OSBPL1A: variants seen among roughly 807,000 people sequenced by gnomAD.
OSBPL1A encodes the protein oxysterol-binding protein-related protein 1.
A neutral mutation model predicts 137.1 loss-of-function variants in OSBPL1A; 80 were observed. The ratio of observed to expected loss-of-function variants is 0.58; its 90% CI spans 0.49 to 0.70. OSBPL1A has a LOEUF of 0.70. OSBPL1A is among the 30% of genes least tolerant of loss of function. The pLI is 0.00. For missense variants in OSBPL1A, 970 were observed against 1,129.4 expected, an observed-to-expected ratio of 0.86 and a Z score of 2.02; for synonymous variants, 365 against 389.7, an observed-to-expected ratio of 0.94 and a Z score of 0.75.
chr18:24,220,415 T>C (rs1311619114), intron 17 of OSBPL1A, among the ~76,000 whole-genome samples: 6 of 152,200 alleles, frequency 3.9e-5, no homozygotes, highest in Non-Finnish European at 5.9e-5. Flanking sequence ...TACTCATTCT[T>C]TTTATTGCAA....
At chr18:24,204,647 A>G (rs1157372103) in intron 17 of OSBPL1A, among the ~76,000 whole-genome samples, 1 of 151,566 alleles carries the variant, frequency 6.6e-6, no homozygotes, top group Admixed American at 6.6e-5. Context: ...CTACATAAAG[A>G]TAGCTAGGTC....
intron 4 of OSBPL1A, among the ~76,000 whole-genome samples, chr18:24,344,496 A>G (rs1373751615): frequency 6.6e-6 from 1 of 152,164 alleles, no homozygotes; most frequent in Non-Finnish European, 1.5e-5. Context: ...GTTAAACACG[A>G]TGGGTATGTT....
chr18:24,286,450 A>G lies in OSBPL1A; in HGVS notation c.1175-5502T>C, dbSNP rs114378722. Among the ~76,000 whole-genome samples the G allele has an allele frequency of 3.4e-3, 511 of 152,348 alleles. 1 individual carries two copies. The highest frequency in any genetic ancestry group is 0.012 in the African/African-American group (485 of 41,578). The stretch of plus-strand genomic sequence containing the variant: ...TTAATCTATATATCTACATCTATAT[A>G]ATTTATATTCATTGCACTGGAGGAT... On this transcript the variant is annotated intron_variant, in intron 14 of 27. Transcript: ENST00000319481.
chr18:24,372,826 G>C (rs2146200404), intron 2 of OSBPL1A, among the ~76,000 whole-genome samples: 1 of 152,244 alleles, frequency 6.6e-6, no homozygotes, highest in Admixed American at 6.5e-5. Context: ...CACCTTGGGA[G>C]GCCAAAGTGG....
At chr18:24,364,423 C>T (rs2091672643) in intron 4 of OSBPL1A, among the ~76,000 whole-genome samples, 2 of 152,100 alleles carry the variant, frequency 1.3e-5, no homozygotes, top group Admixed American at 6.6e-5. Context: ...AATACAGGCT[C>T]ACCACTAGGC....
Position 24,248,051 on chromosome 18 carries a change from A to T in OSBPL1A, c.1282-8669T>A, listed in dbSNP as rs549016357. Reference sequence around the variant, plus strand: ...GTCAAAAAGGGAGGAGATCTAATCCACTAGTATACAGCTGGCCTTTGCTAA... The same window carrying T: ...GTCAAAAAGGGAGGAGATCTAATCCTCTAGTATACAGCTGGCCTTTGCTAA... On this transcript the variant is annotated intron_variant, in intron 15 of 27. Transcript: ENST00000319481. Among the ~76,000 whole-genome samples, 4 of 152,340 alleles carry T rather than the reference A, an allele frequency of 2.6e-5. No individual in the cohort carries two copies. In the East Asian group the frequency reaches 7.7e-4, roughly 29 times the overall value.
chr18:24,309,062 T>C (rs991195238), intron 13 of OSBPL1A, among the ~76,000 whole-genome samples: 1 of 152,168 alleles, frequency 6.6e-6, no homozygotes. Flanking sequence ...TAAGCCACCG[T>C]GCCCAGCTGA....
chr18:24,333,313 T>C (rs936785146), intron 6 of OSBPL1A, among the ~76,000 whole-genome samples: 2 of 152,178 alleles, frequency 1.3e-5, no homozygotes, highest in Admixed American at 6.6e-5. Flanking sequence ...CACACTCCTC[T>C]GACAAGAGAC....
At chr18:24,173,004 C>A (rs1168845225) in intron 21 of OSBPL1A, among the ~76,000 whole-genome samples, 4 of 152,148 alleles carry the variant, frequency 2.6e-5, no homozygotes, top group Non-Finnish European at 4.4e-5. Context: ...AACCTAAATG[C>A]CCATCAATGA....
chr18:24,170,733 A>G (rs925774322), intron 23 of OSBPL1A: 2 of 329,826 alleles, frequency 6.1e-6, no homozygotes, highest in East Asian at 1.4e-4. Flanking sequence ...TGTAGCCTCA[A>G]CCTCCTGGGC....
intron 7 of OSBPL1A, 134 bp from the exon 8 acceptor site, chr18:24,318,943 A>G: frequency 1.3e-6 from 1 of 753,444 alleles, no homozygotes; most frequent in Non-Finnish European, 2.2e-6. Context: ...AAAATTACCT[A>G]CCAGAGAGAG....
chr18:24,236,493 A>ACGT (rs1199047531), intron 16 of OSBPL1A, among the ~76,000 whole-genome samples: 3 of 152,302 alleles, frequency 2.0e-5, no homozygotes, highest in African/African-American at 7.2e-5. Context: ...TCAGCACTTG[A>ACGT]CAGGGCATCT....
chr18:24,289,130 G>A (rs922233729), intron 14 of OSBPL1A, among the ~76,000 whole-genome samples: 56 of 151,996 alleles, frequency 3.7e-4, no homozygotes, highest in African/African-American at 1.3e-3. Flanking sequence ...AGAAGGAAAA[G>A]AACAACAGCA....
intron 4 of OSBPL1A, among the ~76,000 whole-genome samples, chr18:24,348,771 CAAAAAAGAA>C (rs1020358598): frequency 2.0e-4 from 30 of 150,666 alleles, no homozygotes; most frequent in African/African-American, 6.8e-4. Flanking sequence ...GAGACTGTCT[CAAAAAAGAA>C]AAAAAAGAAA....
chr18:24,185,330 T>C (rs1044108277), intron 18 of OSBPL1A, among the ~76,000 whole-genome samples: 2 of 120,946 alleles, frequency 1.7e-5, no homozygotes, highest in African/African-American at 9.6e-5. Context: ...TCTTTTTTCT[T>C]TTTTTTTTTT....
chr18:24,373,843 A>G (rs996238892), intron 2 of OSBPL1A, among the ~76,000 whole-genome samples: 4 of 152,196 alleles, frequency 2.6e-5, no homozygotes, highest in East Asian at 1.9e-4. Flanking sequence ...TAAGAACTGC[A>G]TATCATCTGA....
At chr18:24,331,472 C>G (rs2091076585) in intron 7 of OSBPL1A, among the ~76,000 whole-genome samples, 1 of 149,736 alleles carries the variant, frequency 6.7e-6, no homozygotes, top group Non-Finnish European at 1.5e-5. Context: ...TCTCGGCTCA[C>G]TGCAAGCTCC....
At chr18:24,238,407 G>C (rs1006674728) in intron 16 of OSBPL1A, among the ~76,000 whole-genome samples, 1 of 152,052 alleles carries the variant, frequency 6.6e-6, no homozygotes, top group East Asian at 1.9e-4. Flanking sequence ...CAAAAAATTT[G>C]AAAGTAAATT....
intron 2 of OSBPL1A, among the ~76,000 whole-genome samples, chr18:24,371,182 G>C (rs1166565072): frequency 6.6e-6 from 1 of 152,056 alleles, no homozygotes; most frequent in Non-Finnish European, 1.5e-5. Flanking sequence ...CTAACCAACG[G>C]TGAAGAAAAA....
Sources: allele counts gnomAD v4.1 joint callset (sites outside exome capture counted in the v4.1 genomes callset), GRCh38; gene constraint gnomAD v4.1.1; transcripts MANE v1.5; gene names NCBI Gene and HGNC (gene_info 2026-07-23, HGNC 2026-07-21).